The following CES5A variants were observed in gnomAD, a reference collection of about 807,000 sequenced individuals.
The protein encoded by CES5A is carboxylesterase 5A, also known as carboxylesterase 5.
In CES5A, 67 loss-of-function variants were observed where a neutral mutation model predicts 62.9. The observed-to-expected ratio is 1.07, with a 90% CI of 0.88 to 1.31. The LOEUF is 1.31. Ranked by LOEUF, CES5A falls within the 50% of genes most tolerant of loss-of-function variation. The pLI is 0.00. For missense variants in CES5A, 748 were observed against 708.5 expected (o/e 1.06, Z -0.63); for synonymous variants, 296 against 280.8 (o/e 1.05, Z -0.54).
chr16:55,890,228 GA>G (rs11388912), intron 1 of CES5A, among the ~76,000 whole-genome samples: 34,796 of 147,886 alleles, frequency 0.24, 5,014 homozygotes, highest in Non-Finnish European at 0.32. Context: ...AAGACAACTT[GA>G]AAAAAAAAAT....
chr16:55,949,897 A>C (rs1567367325), exon 2 of CES5A: 2 of 1,417,908 alleles, frequency 1.4e-6, no homozygotes, highest in Non-Finnish European at 1.9e-6. Context: ...TTCTTATCCT[A>C]AACTCCTGGA....
chr16:55,942,536 C>CA (rs1473279873), intron 2 of CES5A, among the ~76,000 whole-genome samples: 3 of 152,160 alleles, frequency 2.0e-5, no homozygotes, highest in Non-Finnish European at 4.4e-5. Flanking sequence ...TCTAACAATA[C>CA]AAAATGTGGA....
chr16:55,936,569 C>T (rs1356303990), intron 2 of CES5A, among the ~76,000 whole-genome samples: 1 of 152,118 alleles, frequency 6.6e-6, no homozygotes, highest in Admixed American at 6.5e-5. Flanking sequence ...GTTCTTAGTC[C>T]AATCTTTTTT....
intron 2 of CES5A, among the ~76,000 whole-genome samples, chr16:55,947,858 AG>A (rs1317984041): frequency 2.0e-5 from 3 of 152,092 alleles, no homozygotes; most frequent in African/African-American, 7.2e-5. Context: ...GGGGAGGGCC[AG>A]GTCATAAACA....
chr16:55,938,680 G>T (rs1227954887), intron 2 of CES5A, among the ~76,000 whole-genome samples: 4 of 129,936 alleles, frequency 3.1e-5, no homozygotes, highest in African/African-American at 1.2e-4. Context: ...AGCTTGCAGT[G>T]AGCCAAGACC....
intron 1 of CES5A, among the ~76,000 whole-genome samples, chr16:55,909,438 T>C (rs564338284): frequency 1.3e-5 from 2 of 152,334 alleles, no homozygotes; most frequent in South Asian, 4.1e-4. Context: ...TGACTGCAGT[T>C]AGACACCAAG....
At chr16:55,893,815 G>A (rs1234761320) in intron 1 of CES5A, among the ~76,000 whole-genome samples, 13 of 152,116 alleles carry the variant, frequency 8.5e-5, no homozygotes, top group Non-Finnish European at 1.8e-4. Context: ...AACTATTTGA[G>A]GAGGTATTGG....
At chr16:55,871,194 C>T (rs945946878) in intron 3 of CES5A, among the ~76,000 whole-genome samples, 5 of 152,332 alleles carry the variant, frequency 3.3e-5, no homozygotes, top group Admixed American at 3.3e-4. Context: ...CCCCCACTTA[C>T]TGACACGGGG....
At chr16:55,912,582 G>GAGA (rs1429955569) in intron 1 of CES5A, among the ~76,000 whole-genome samples, 1 of 151,872 alleles carries the variant, frequency 6.6e-6, no homozygotes, top group African/African-American at 2.4e-5. Context: ...GGAGGAGGAG[G>GAGA]AGAAGGAGGA....
chr16:55,909,759 G>A (rs1845756207), intron 1 of CES5A, among the ~76,000 whole-genome samples: 1 of 152,178 alleles, frequency 6.6e-6, no homozygotes, highest in African/African-American at 2.4e-5. Context: ...CTGGCTGCCT[G>A]GGAAAGTTAG....
intron 1 of CES5A, among the ~76,000 whole-genome samples, chr16:55,874,906 A>C (rs1392151605): frequency 6.6e-6 from 1 of 152,202 alleles, no homozygotes; most frequent in African/African-American, 2.4e-5. Flanking sequence ...GAGCCCCTCT[A>C]AACCCCTTGC....
At chr16:55,893,220 G>A (rs1376258526) in intron 1 of CES5A, among the ~76,000 whole-genome samples, 1 of 151,954 alleles carries the variant, frequency 6.6e-6, no homozygotes, top group Non-Finnish European at 1.5e-5. Context: ...TGAAACCAGA[G>A]GTCAATCATA....
intron 11 of CES5A, among the ~76,000 whole-genome samples, chr16:55,848,477 A>T (rs1232619553): frequency 6.6e-6 from 1 of 151,930 alleles, no homozygotes; most frequent in Non-Finnish European, 1.5e-5. Context: ...TGTTTCTCAC[A>T]CCTGCTTGAA....
At chr16:55,906,852 A>T (rs1412590131) in intron 1 of CES5A, among the ~76,000 whole-genome samples, 3 of 152,194 alleles carry the variant, frequency 2.0e-5, no homozygotes, top group Non-Finnish European at 2.9e-5. Context: ...GGTGTGCTTG[A>T]GGCACAGCAA....
At chr16:55,937,039 A>C (rs777362752) in intron 2 of CES5A, among the ~76,000 whole-genome samples, 1 of 152,240 alleles carries the variant, frequency 6.6e-6, no homozygotes, top group South Asian at 2.1e-4. Context: ...TGATACTATC[A>C]CGAAGAGCAG....
intron 1 of CES5A, among the ~76,000 whole-genome samples, chr16:55,915,222 G>C (rs2034135294): frequency 6.6e-6 from 1 of 152,132 alleles, no homozygotes; most frequent in African/African-American, 2.4e-5. Flanking sequence ...TTAAATGTCA[G>C]CCCCAATGAA....
intron 10 of CES5A, 85 bp downstream of exon 10, chr16:55,852,796 G>T: frequency 6.9e-7 from 1 of 1,456,128 alleles, no homozygotes; most frequent in East Asian, 2.3e-5. Context: ...GGCAGAGAAG[G>T]CAGCCGCTCA....
chr16:55,914,556 A>G (rs2034126031), intron 1 of CES5A, among the ~76,000 whole-genome samples: 1 of 152,224 alleles, frequency 6.6e-6, no homozygotes, highest in South Asian at 2.1e-4. Context: ...CTCTGGGAGT[A>G]CGTGTCTGGC....
chr16:55,858,985 C>T (rs1315669429), intron 8 of CES5A, among the ~76,000 whole-genome samples: 1 of 152,164 alleles, frequency 6.6e-6, no homozygotes. Context: ...TCTTCTCAAT[C>T]TCGTGTCTTA....
Sources: gnomAD v4.1 joint callset for allele counts (sites outside exome capture counted in the v4.1 genomes callset) on GRCh38, gnomAD v4.1.1 for gene constraint, MANE v1.5 for transcripts, NCBI Gene and HGNC (gene_info 2026-07-23, HGNC 2026-07-21) for gene names.